Variants in SCFD2 observed in about 807,000 individuals in gnomAD.
The protein encoded by SCFD2 is sec1 family domain-containing protein 2.
In SCFD2, 54 loss-of-function variants were observed where a neutral mutation model predicts 58.9. The ratio of observed to expected loss-of-function variants is 0.92; its 90% CI spans 0.74 to 1.15. The LOEUF (loss-of-function observed/expected upper bound fraction) is 1.15. Among genes scored for constraint, SCFD2 ranks in the 50% most tolerant of loss-of-function variants. The pLI, the probability that SCFD2 is intolerant of heterozygous loss-of-function variation, is 0.00. For missense variants in SCFD2, 805 were observed against 836.6 expected (o/e 0.96, Z 0.47); for synonymous variants, 321 against 335.9 (o/e 0.96, Z 0.49).
At chr4:53,194,135 C>T (rs1176208329) in intron 4 of SCFD2, among the ~76,000 whole-genome samples, 1 of 152,166 alleles carries the variant, frequency 6.6e-6, no homozygotes, top group African/African-American at 2.4e-5. Flanking sequence ...ATTTATATAA[C>T]ACCTTTGGTT....
chr4:53,097,029 G>A (rs895813218), intron 5 of SCFD2, among the ~76,000 whole-genome samples: 53 of 152,146 alleles, frequency 3.5e-4, no homozygotes, highest in Non-Finnish European at 7.8e-4. Context: ...GGTTGTAGAT[G>A]TGTGGTATTA....
At chr4:53,070,649 A>T (rs1276306627) in intron 5 of SCFD2, among the ~76,000 whole-genome samples, 1 of 152,100 alleles carries the variant, frequency 6.6e-6, no homozygotes, top group Non-Finnish European at 1.5e-5. Flanking sequence ...TAATAGCACC[A>T]AATCTGCATT....
intron 5 of SCFD2, among the ~76,000 whole-genome samples, chr4:52,929,267 T>C (rs1719934249): frequency 6.6e-6 from 1 of 152,176 alleles, no homozygotes; most frequent in African/African-American, 2.4e-5. Flanking sequence ...GGGTGGTGGA[T>C]TCATGGGTGT....
intron 4 of SCFD2, among the ~76,000 whole-genome samples, chr4:53,181,878 A>G (rs977964229): frequency 6.6e-6 from 1 of 152,192 alleles, no homozygotes; most frequent in African/African-American, 2.4e-5. Flanking sequence ...AGAGAGCCAA[A>G]TCATCAGTGA....
In SCFD2 at chr4:52,920,861, G is replaced by A; in HGVS notation, c.1571C>T (p.Ser524Phe). The change falls in exon 6 of 9, where the codon TCT becomes TTT. Residue 524 changes from serine (S) to phenylalanine (F), a missense_variant. Ser to Phe is a radical substitution (Grantham distance 155). This residue lies in a region of SCFD2 where 633 missense variants were observed against 646.8 expected (regional missense o/e 0.98). Transcript: ENST00000401642. Reference protein sequence around the residue: ...PLLQKITDWDSSINLTFHKSK... With the variant: ...PLLQKITDWDFSINLTFHKSK... ...TTTGTGAAATGTCAGATTAATTGAAGAGTCCCAGTCTGAAAAAATCCAGAG... is the reference window on the plus strand; with the variant it reads ...TTTGTGAAATGTCAGATTAATTGAAAAGTCCCAGTCTGAAAAAATCCAGAG... 6.2e-7 allele frequency: 1 copy of A among 1,609,342 alleles called. No individual in the cohort carries two copies. Among genetic ancestry groups the A allele is most frequent in the Non-Finnish European group, 8.5e-7 (1 of 1,177,220 alleles).
At chr4:53,123,444 A>C (rs1296228821) in intron 5 of SCFD2, among the ~76,000 whole-genome samples, 2 of 144,672 alleles carry the variant, frequency 1.4e-5, no homozygotes, top group Non-Finnish European at 3.0e-5. Flanking sequence ...GGAAACCAAC[A>C]GTGGGGACTG....
intron 4 of SCFD2, among the ~76,000 whole-genome samples, chr4:53,258,837 C>G (rs1275452190): frequency 6.6e-6 from 1 of 151,958 alleles, no homozygotes; most frequent in Non-Finnish European, 1.5e-5. Flanking sequence ...AATTTACATT[C>G]TCAACAACAG....
At chr4:52,979,011 A>G (rs73144968) in intron 5 of SCFD2, among the ~76,000 whole-genome samples, 6,758 of 148,528 alleles carry the variant, frequency 0.045, 213 homozygotes, top group African/African-American at 0.078. Context: ...CTCTCTCTTC[A>G]GCCTCCCAAG....
chr4:53,361,787 G>A (rs954581007), intron 1 of SCFD2, among the ~76,000 whole-genome samples: 1 of 152,118 alleles, frequency 6.6e-6, no homozygotes, highest in African/African-American at 2.4e-5. Flanking sequence ...CCAAATCTTA[G>A]ACTATTCAGT....
At chr4:53,289,029 G>C (rs1459670622) in intron 3 of SCFD2, among the ~76,000 whole-genome samples, 1 of 152,140 alleles carries the variant, frequency 6.6e-6, no homozygotes, top group Non-Finnish European at 1.5e-5. Context: ...TAAAAGTCCA[G>C]ACTACTTTTA....
intron 4 of SCFD2, among the ~76,000 whole-genome samples, chr4:53,240,780 C>A (rs1729867914): frequency 1.3e-5 from 2 of 152,212 alleles, no homozygotes; most frequent in Admixed American, 1.3e-4. Context: ...GCTGCCTATG[C>A]CACAGGGCAG....
At chr4:53,237,474 A>C (rs1212198717) in intron 4 of SCFD2, among the ~76,000 whole-genome samples, 33 of 63,130 alleles carry the variant, frequency 5.2e-4, no homozygotes, top group South Asian at 1.3e-3. Flanking sequence ...GGGGGGGCTG[A>C]CCCCCCCACC....
chr4:53,351,157 C>A (rs1282260308), intron 2 of SCFD2, among the ~76,000 whole-genome samples: 1 of 152,172 alleles, frequency 6.6e-6, no homozygotes, highest in African/African-American at 2.4e-5. Context: ...ATTTCCCAAA[C>A]GTAAAATGCT....
intron 5 of SCFD2, among the ~76,000 whole-genome samples, chr4:53,115,328 G>T (rs1463083478): frequency 6.6e-6 from 1 of 152,062 alleles, no homozygotes; most frequent in Admixed American, 6.6e-5. Flanking sequence ...TTAACCCAAA[G>T]AAGAAAAGAC....
intron 5 of SCFD2, among the ~76,000 whole-genome samples, chr4:53,020,974 C>T (rs913564752): frequency 1.7e-4 from 26 of 152,148 alleles, no homozygotes; most frequent in African/African-American, 6.3e-4. Flanking sequence ...GCTCCTGTGG[C>T]CACCTCATCA....
At chr4:52,916,636 T>TG (rs1719615354) in intron 6 of SCFD2, among the ~76,000 whole-genome samples, 1 of 151,990 alleles carries the variant, frequency 6.6e-6, no homozygotes, top group Non-Finnish European at 1.5e-5. Context: ...GGGGCTTAGG[T>TG]TTCCAGTCAA....
At chr4:53,303,055 T>C (rs1732372163) in intron 3 of SCFD2, among the ~76,000 whole-genome samples, 1 of 152,130 alleles carries the variant, frequency 6.6e-6, no homozygotes, top group African/African-American at 2.4e-5. Context: ...GGACTTCATG[T>C]CTGAAACACC....
At chr4:53,207,939 T>C (rs960578039) in intron 4 of SCFD2, among the ~76,000 whole-genome samples, 1 of 149,544 alleles carries the variant, frequency 6.7e-6, no homozygotes, top group Non-Finnish European at 1.5e-5. Flanking sequence ...CAGGTATTTC[T>C]TTTTTCTTTC....
At chr4:53,200,533 G>A (rs952735587) in intron 4 of SCFD2, among the ~76,000 whole-genome samples, 13 of 152,086 alleles carry the variant, frequency 8.5e-5, no homozygotes, top group African/African-American at 2.9e-4. Flanking sequence ...TAATTACAGA[G>A]TTTTTCCTCT....
Sources: allele counts gnomAD v4.1 joint callset (sites outside exome capture counted in the v4.1 genomes callset), GRCh38; gene constraint gnomAD v4.1.1; regional missense constraint gnomAD v4.1.1; transcripts MANE v1.5; gene names NCBI Gene and HGNC (gene_info 2026-07-23, HGNC 2026-07-21).